Variants in RSAD2 observed in about 807,000 individuals in gnomAD.
RSAD2 encodes the protein S-adenosylmethionine-dependent nucleotide dehydratase RSAD2.
RSAD2 carries 38 observed loss-of-function variants against 37.7 expected under a neutral mutation model. The observed-to-expected ratio is 1.01, with a 90% CI of 0.78 to 1.32. The LOEUF (loss-of-function observed/expected upper bound fraction) is 1.32. Among genes scored for constraint, RSAD2 ranks in the 40% most tolerant of loss-of-function variants. The pLI is 0.00. For synonymous variants in RSAD2, 163 were observed against 157.4 expected (o/e 1.04, Z -0.27); for missense variants, 428 against 437.5 (o/e 0.98, Z 0.19).
Position 6,895,768 on chromosome 2 carries a change from A to C in RSAD2, c.922-10A>C. The C allele has an allele frequency of 6.2e-7, 1 of 1,609,104 alleles. No homozygotes were observed. Among genetic ancestry groups the C allele is most frequent in the Non-Finnish European group, 8.5e-7 (1 of 1,177,152 alleles). On this transcript the variant is annotated splice_polypyrimidine_tract_variant and intron_variant, in intron 5 of 5. Transcript: ENST00000382040. The stretch of plus-strand genomic sequence containing the variant: ...TGGAAATATACCAGTTTCTGTTATG[A>C]ATTTTCTAGATGCGCTTTCTGAACT...
At chr2:6,882,885 T>C (rs1279254990) in intron 1 of RSAD2, among the ~76,000 whole-genome samples, 1 of 152,250 alleles carries the variant, frequency 6.6e-6, no homozygotes, top group East Asian at 1.9e-4. Flanking sequence ...TTTTGAGGCA[T>C]ACAAGTCATC....
intron 5 of RSAD2, among the ~76,000 whole-genome samples, chr2:6,894,339 A>G (rs1202787863): frequency 6.6e-6 from 1 of 152,204 alleles, no homozygotes; most frequent in Non-Finnish European, 1.5e-5. Flanking sequence ...TTCCTAGCAA[A>G]GGACAAATAA....
At chr2:6,895,295 A>C (rs1663750010) in intron 5 of RSAD2, among the ~76,000 whole-genome samples, 1 of 152,248 alleles carries the variant, frequency 6.6e-6, no homozygotes, top group Admixed American at 6.5e-5. Context: ...TCTCAAAACA[A>C]GCCTTTATTA....
At chr2:6,872,410 C>T (rs1663216964) in intron 1 of RSAD2, among the ~76,000 whole-genome samples, 1 of 152,004 alleles carries the variant, frequency 6.6e-6, no homozygotes, top group African/African-American at 2.4e-5. Context: ...CTTGGATTGT[C>T]GGTATGGCAG....
At chr2:6,874,306 T>G (rs1278675896), upstream of RSAD2, among the ~76,000 whole-genome samples, 1 of 152,224 alleles carries the variant, frequency 6.6e-6, no homozygotes, top group Non-Finnish European at 1.5e-5. Flanking sequence ...ATTTTCCTTA[T>G]AAATGACCCA....
At chr2:6,880,284 A>G (rs1481379774) in intron 1 of RSAD2, among the ~76,000 whole-genome samples, 1 of 152,216 alleles carries the variant, frequency 6.6e-6, no homozygotes, top group Non-Finnish European at 1.5e-5. Context: ...TAGAGAAAAA[A>G]AACCTGAGAG....
chr2:6,868,686 G>A (rs1663150464), intron 1 of RSAD2, among the ~76,000 whole-genome samples: 1 of 152,112 alleles, frequency 6.6e-6, no homozygotes, highest in African/African-American at 2.4e-5. Context: ...GCAATTTGTG[G>A]GCTTACAATT....
At chr2:6,889,881 AT>A (rs1362815770) in intron 3 of RSAD2, among the ~76,000 whole-genome samples, 4 of 152,228 alleles carry the variant, frequency 2.6e-5, no homozygotes, top group African/African-American at 9.6e-5. Context: ...TTTATAGTTT[AT>A]ATTTTTTCAA....
chr2:6,885,315 C>T (rs1663496559), intron 2 of RSAD2, among the ~76,000 whole-genome samples: 1 of 152,244 alleles, frequency 6.6e-6, no homozygotes, highest in Admixed American at 6.5e-5. Context: ...AGGCTTTATA[C>T]AGGGCTAGTC....
intron 2 of RSAD2, among the ~76,000 whole-genome samples, 180 bp from the exon 3 acceptor site, chr2:6,886,755 T>C (rs955948613): frequency 3.3e-5 from 5 of 152,260 alleles, no homozygotes; most frequent in Non-Finnish European, 7.3e-5. Flanking sequence ...CATATATATT[T>C]AGTTTTTCAG....
At chr2:6,872,730 G>A (rs1358339405) in intron 1 of RSAD2, among the ~76,000 whole-genome samples, 5 of 152,132 alleles carry the variant, frequency 3.3e-5, no homozygotes, top group African/African-American at 1.2e-4. Flanking sequence ...GCAATTTTCT[G>A]TGCACTCAGG....
intron 1 of RSAD2, among the ~76,000 whole-genome samples, chr2:6,871,040 G>A (rs942351105): frequency 2.0e-5 from 3 of 152,140 alleles, no homozygotes. Context: ...CACACAACTG[G>A]AAAAAAGAAA....
At chr2:6,870,692 C>T (rs1488514758) in intron 1 of RSAD2, among the ~76,000 whole-genome samples, 1 of 152,190 alleles carries the variant, frequency 6.6e-6, no homozygotes, top group Non-Finnish European at 1.5e-5. Context: ...AGCCAGTTCT[C>T]TCCATCCAGA....
Position 6,894,084 on chromosome 2 carries a change from G to A in RSAD2, c.921+381G>A, listed in dbSNP as rs143395777. 1.6e-3 allele frequency among the ~76,000 whole-genome samples: 248 copies of A among 152,304 alleles called. 2 individuals are homozygous for A. Among genetic ancestry groups the A allele is most frequent in the African/African-American group, 5.5e-3 (230 of 41,560 alleles). ...GATAGGGCATCCAGCCTACTTTGAA[G>A]GAAGGCCATATCACTCTTCTCATTA... On this transcript the variant is annotated intron_variant, in intron 5 of 5. Coordinates refer to ENST00000382040, the MANE Select transcript of RSAD2 (RefSeq NM_080657.5).
rs186724465 is a variant in RSAD2 at position 6,867,156 on chromosome 2, T to C, written c.142+1111T>C. Among the ~76,000 whole-genome samples the C allele has an allele frequency of 1.3e-3, 202 of 152,346 alleles. 1 individual carries two copies. The highest frequency in any genetic ancestry group is 4.5e-3 in the Admixed American group (69 of 15,302). On this transcript the variant is annotated intron_variant, in intron 1 of 5. Coordinates refer to the RSAD2 transcript ENST00000442639. ...CCTGCTTGACCTTTTCCCTATGCCA[T>C]CCACCTCTCTGGATGTATTAGTCTA...
upstream of RSAD2, among the ~76,000 whole-genome samples, chr2:6,874,769 A>T (rs1025910365): frequency 3.9e-5 from 6 of 152,196 alleles, no homozygotes; most frequent in African/African-American, 1.4e-4. Context: ...TTTATGAACA[A>T]AAGTGGAAGC....
At chr2:6,878,552 A>T (rs781579601) in intron 1 of RSAD2, among the ~76,000 whole-genome samples, 1 of 152,268 alleles carries the variant, frequency 6.6e-6, no homozygotes, top group Non-Finnish European at 1.5e-5. Context: ...AATAATTAGA[A>T]AAGTTGGAAA....
chr2:6,881,798 C>G (rs1391794713), intron 1 of RSAD2, among the ~76,000 whole-genome samples: 1 of 151,542 alleles, frequency 6.6e-6, no homozygotes, highest in African/African-American at 2.4e-5. Context: ...TTCTAGAATG[C>G]AGGCAGGTGG....
chr2:6,870,771 A>G (rs1051281868), intron 1 of RSAD2, among the ~76,000 whole-genome samples: 1 of 152,150 alleles, frequency 6.6e-6, no homozygotes, highest in African/African-American at 2.4e-5. Context: ...ATGCCAGTCT[A>G]TAAGGTTTTG....
Sources: gnomAD v4.1 joint callset for allele counts (sites outside exome capture counted in the v4.1 genomes callset) on GRCh38, gnomAD v4.1.1 for gene constraint, MANE v1.5 for transcripts, NCBI Gene and HGNC (gene_info 2026-07-23, HGNC 2026-07-21) for gene names.